DDX18: variants seen among roughly 807,000 people sequenced by gnomAD.
DDX18 encodes DEAD-box helicase 18, also known as ATP-dependent RNA helicase DDX18.
In DDX18, 23 loss-of-function variants were observed where a neutral mutation model predicts 73.5. The observed-to-expected ratio is 0.31, with a 90% CI of 0.23 to 0.44. The LOEUF is 0.44. DDX18 is among the 20% of genes least tolerant of loss of function. The pLI is 1.00. For synonymous variants in DDX18, 268 were observed against 282.7 expected (o/e 0.95, Z 0.52); for missense variants, 753 against 792.9 (o/e 0.95, Z 0.60).
chr2:117,831,952 G>A lies in DDX18; in HGVS notation c.*1228G>A, dbSNP rs1450174539. On this transcript the variant is annotated 3_prime_UTR_variant, in exon 14 of 14. Coordinates refer to ENST00000263239, the MANE Select transcript of DDX18 (RefSeq NM_006773.4). ...CCCATTAAATAAGTGTGCTAACATCGAATATAGAGAAAACTGGTAAAGAAC... is the reference window on the plus strand; with the variant it reads ...CCCATTAAATAAGTGTGCTAACATCAAATATAGAGAAAACTGGTAAAGAAC... The A allele has an allele frequency of 2.6e-5, 4 of 152,152 alleles. No homozygotes were observed. The highest frequency in any genetic ancestry group is 4.8e-5 in the African/African-American group (2 of 41,420). The allele number at this position is 152,152 out of a possible 1,614,324, so 9.4% of individuals were successfully genotyped here. A position where few individuals can be genotyped will look rare whatever the true frequency, so the allele number is the denominator to read the frequency against.
At chr2:117,827,218 T>G (rs1679944685) in intron 11 of DDX18, 1 of 152,224 alleles carries the variant, frequency 6.6e-6, no homozygotes, top group Admixed American at 6.5e-5. Flanking sequence ...TTTGCACACT[T>G]TGTCCAGAAT....
chr2:117,826,034 C>A (rs78576278), intron 10 of DDX18: 3 of 94,096 alleles, frequency 3.2e-5, no homozygotes, highest in Non-Finnish European at 5.3e-5. Context: ...CATGTCCAGC[C>A]TTTTTTTTTT....
rs759487258 is a variant in DDX18, at chr2:117,819,821, A to G, written c.514+29A>G. The G allele has an allele frequency of 3.3e-6, 5 of 1,530,976 alleles. No individual in the cohort carries two copies. The Admixed American group carries it at 6.9e-5, about 21-fold the overall frequency. The allele number at this position is 1,530,976 out of a possible 1,614,324, so 94.8% of individuals were successfully genotyped here. ...ACGTCCAGGAAGTTTTCTAGAGGTA[A>G]CTTCTTTAAAATGTGCCTCTCTTAG... On this transcript the variant is annotated intron_variant, in intron 3 of 13. Transcript: ENST00000263239.
intron 1 of DDX18, among the ~76,000 whole-genome samples, chr2:117,816,286 C>T (rs1291565248): frequency 6.6e-6 from 1 of 152,220 alleles, no homozygotes; most frequent in Admixed American, 6.5e-5. Flanking sequence ...CCTGCTGTAA[C>T]TTTTACATTA....
Position 117,817,450 on chromosome 2 carries a change from C to T in DDX18, c.92C>T (p.Ser31Leu). 6.2e-7 allele frequency: 1 copy of T among 1,600,488 alleles called. No individual in the cohort carries two copies. The highest frequency in any genetic ancestry group is 8.5e-7 in the Non-Finnish European group (1 of 1,176,636). ...GTTCTGTTTATTTAAACAGGGGCCTCAAATCTGACCCTATCGGAAACTCAA... is the reference window on the plus strand; with the variant it reads ...GTTCTGTTTATTTAAACAGGGGCCTTAAATCTGACCCTATCGGAAACTCAA... ...RQRNLKFQGASNLTLSETQNG... is the reference protein window; with the variant it reads ...RQRNLKFQGALNLTLSETQNG... Residue 31 changes from serine (S) to leucine (L), a missense_variant, in exon 2 of 14, where the codon TCA becomes TTA. Ser to Leu is a moderately radical substitution (Grantham distance 145). Coordinates refer to ENST00000263239, the MANE Select transcript of DDX18 (RefSeq NM_006773.4).
At chr2:117,825,993 CATTTT>C (rs1679919272) in intron 10 of DDX18, 1 of 361,706 alleles carries the variant, frequency 2.8e-6, no homozygotes, top group East Asian at 4.5e-5. Flanking sequence ...ACATAATACT[CATTTT>C]ATTAGATCGC....
intron 4 of DDX18, 61 bp from the exon 5 acceptor site, chr2:117,821,589 A>T (rs1679847738): frequency 3.2e-6 from 5 of 1,562,008 alleles, no homozygotes; most frequent in Non-Finnish European, 4.4e-6. Flanking sequence ...AGGTGTGTGT[A>T]TGTAGTACGT....
Position 117,814,696 on chromosome 2 carries a change from C to T in DDX18, c.-82C>T. Reference sequence around the variant, plus strand: ...TCCTGTTGGCCGAGCTGCGCACGTGCGGCCGGAAGGGAAGTAACGTCAGCC... The same window carrying T: ...TCCTGTTGGCCGAGCTGCGCACGTGTGGCCGGAAGGGAAGTAACGTCAGCC... On this transcript the variant is annotated 5_prime_UTR_variant, in exon 1 of 14. Coordinates refer to ENST00000263239, the MANE Select transcript of DDX18 (RefSeq NM_006773.4). 3 of 1,430,138 alleles carry T rather than the reference C, an allele frequency of 2.1e-6. No homozygotes were observed. Among genetic ancestry groups the T allele is most frequent in the Non-Finnish European group, 2.9e-6 (3 of 1,031,502 alleles). The allele number at this position is 1,430,138 out of a possible 1,614,324, so 88.6% of individuals were successfully genotyped here.
chr2:117,825,245 C>T (rs926295118), intron 9 of DDX18, 144 bp downstream of exon 9: 49 of 1,245,310 alleles, frequency 3.9e-5, no homozygotes, highest in East Asian at 1.2e-4. Context: ...TGTGGGGGAG[C>T]GCTGCTGGGT....
At position 117,825,119 on chromosome 2, in the gene DDX18, G is replaced by A. The variant is rs750232828; in HGVS notation, c.1368+18G>A. On this transcript the variant is annotated intron_variant, in intron 9 of 13. Transcript: ENST00000263239. ...CCATTCATGTAAGTGATGATGATGA[G>A]CTCATTGAAAACAGGGTATGCTTAT... The A allele has an allele frequency of 6.3e-7, 1 of 1,593,756 alleles. No individual in the cohort carries two copies. Among genetic ancestry groups the A allele is most frequent in the Non-Finnish European group, 8.5e-7 (1 of 1,170,006 alleles).
Position 117,825,056 on chromosome 2 carries a change from C to G in DDX18, c.1323C>G (p.His441Gln), listed in dbSNP as rs1679902020. ...CATCTTGTATGTCTGTGAAATACCA[C>G]TATGAGTTGCTGAACTACATTGATT... ...FFSSCMSVKY[H>Q]YELLNYIDLP... is the part of the protein sequence containing the mutation. Residue 441 changes from histidine (H) to glutamine (Q), a missense_variant, in exon 9 of 14, where the codon CAC (histidine) becomes CAG (glutamine). Physicochemically the swap from His to Gln is conservative, Grantham distance 24. This residue lies in a region of DDX18 where 402 missense variants were observed against 419.4 expected (regional missense o/e 0.96). Transcript: ENST00000263239. 1 of 1,613,358 alleles carries G rather than the reference C, an allele frequency of 6.2e-7. No homozygotes were observed. The highest frequency in any genetic ancestry group is 1.1e-5 in the South Asian group (1 of 90,896).
intron 3 of DDX18, among the ~76,000 whole-genome samples, chr2:117,820,291 G>T (rs567799712): frequency 1.3e-5 from 2 of 152,200 alleles, no homozygotes; most frequent in African/African-American, 4.8e-5. Flanking sequence ...AATTGCAAAC[G>T]TTTTGGTAGT....
chr2:117,821,437 T>C (rs966079162), intron 4 of DDX18, 141 bp downstream of exon 4: 2 of 1,204,642 alleles, frequency 1.7e-6, no homozygotes, highest in Admixed American at 4.9e-5. Context: ...TTAAGTTAAT[T>C]ACTGATGTTT....
chr2:117,820,774 T>A (rs1679832539), intron 3 of DDX18, among the ~76,000 whole-genome samples: 1 of 152,206 alleles, frequency 6.6e-6, no homozygotes, highest in South Asian at 2.1e-4. Context: ...GTTTTTTTTT[T>A]ATTATTGACT....
chr2:117,814,889 C>CAG, intron 1 of DDX18, 27 bp downstream of exon 1: 1 of 1,613,364 alleles, frequency 6.2e-7, no homozygotes, highest in Non-Finnish European at 8.5e-7. Flanking sequence ...CGCGGTGGCT[C>CAG]AGAAGACCCA....
Position 117,826,142 on chromosome 2 carries a change from G to A in DDX18, c.1522-127G>A. On this transcript the variant is annotated intron_variant, in intron 10 of 13. Coordinates refer to ENST00000263239, the MANE Select transcript of DDX18 (RefSeq NM_006773.4). ...AGCTTTGTGGGGGTGTGGTGAAGGTGTGTGTGGCCCAGCACCGTGGGACTA... is the reference window on the plus strand; with the variant it reads ...AGCTTTGTGGGGGTGTGGTGAAGGTATGTGTGGCCCAGCACCGTGGGACTA... 5.2e-6 allele frequency: 3 copies of A among 577,838 alleles called. No homozygotes were observed. The South Asian group carries it at 5.7e-5, about 11-fold the overall frequency. The allele number at this position is 577,838 out of a possible 1,614,324, so 35.8% of individuals were successfully genotyped here. A position where few individuals can be genotyped will look rare whatever the true frequency, so the allele number is the denominator to read the frequency against.
Position 117,821,902 on chromosome 2 carries a change from C to G in DDX18, c.792C>G (p.Ala264=), listed in dbSNP as rs772557099. The G allele has an allele frequency of 5.6e-6, 9 of 1,614,052 alleles. No homozygotes were observed. In the South Asian group the frequency reaches 9.9e-5, roughly 18 times the overall value. ...TTCTCTCACCTACTAGAGAACTAGC[C>G]ATGCAAACCTTTGGTGTTCTTAAGG... ...VLILSPTREL[A]MQTFGVLKEL... Residue 264 remains alanine, a synonymous_variant, in exon 6 of 14, where the codon GCC becomes GCG. Coordinates refer to ENST00000263239, the MANE Select transcript of DDX18 (RefSeq NM_006773.4).
At chr2:117,826,067 C>T (rs1460458334) in intron 10 of DDX18, 8 of 89,882 alleles carry the variant, frequency 8.9e-5, no homozygotes, top group Non-Finnish European at 1.6e-4. Context: ...TTTTTTGGGC[C>T]TCAATCATTG....
In DDX18 at chr2:117,821,816, C is replaced by T. The variant is rs1679851016; in HGVS notation, c.752-46C>T. Reference sequence around the variant, plus strand: ...AGGTTTATTGTAGCTGTTACGGACTCAGTGGTGACAGCCACATTTAGACTT... The same window carrying T: ...AGGTTTATTGTAGCTGTTACGGACTTAGTGGTGACAGCCACATTTAGACTT... On this transcript the variant is annotated intron_variant, in intron 5 of 13. Transcript: ENST00000263239. The T allele has an allele frequency of 3.7e-6, 6 of 1,612,286 alleles. No homozygotes were observed. The East Asian group carries it at 1.3e-4, about 36-fold the overall frequency.
Sources: allele counts gnomAD v4.1 joint callset (sites outside exome capture counted in the v4.1 genomes callset), GRCh38; gene constraint gnomAD v4.1.1; regional missense constraint gnomAD v4.1.1; transcripts MANE v1.5; gene names NCBI Gene and HGNC (gene_info 2026-07-23, HGNC 2026-07-21).